Variants in CDH12 observed in about 807,000 individuals in gnomAD.
The protein encoded by CDH12 is cadherin-12.
A neutral mutation model predicts 74.1 loss-of-function variants in CDH12; 41 were observed. The ratio of observed to expected loss-of-function variants is 0.55; its 90% CI spans 0.43 to 0.72. The LOEUF is 0.72. Among genes scored for constraint, CDH12 ranks in the 30% least tolerant of loss-of-function variants. CDH12 has a pLI of 0.00. For missense variants in CDH12, 945 were observed against 977.2 expected, an observed-to-expected ratio of 0.97 and a Z score of 0.44; for synonymous variants, 399 against 355.0, an observed-to-expected ratio of 1.12 and a Z score of -1.39.
At chr5:22,816,890 T>C (rs997806550) in intron 1 of CDH12, among the ~76,000 whole-genome samples, 7 of 152,192 alleles carry the variant, frequency 4.6e-5, no homozygotes, top group Non-Finnish European at 7.3e-5. Flanking sequence ...GCCACATACA[T>C]AGGAAAGAAG....
chr5:22,793,185 C>T (rs1285311074), intron 1 of CDH12, among the ~76,000 whole-genome samples: 2 of 152,200 alleles, frequency 1.3e-5, no homozygotes, highest in Admixed American at 1.3e-4. Flanking sequence ...ATCTCTCCAA[C>T]ACACGCTATT....
At chr5:21,958,600 T>A (rs1346094719) in intron 6 of CDH12, among the ~76,000 whole-genome samples, 3 of 152,126 alleles carry the variant, frequency 2.0e-5, no homozygotes. Context: ...GATCAGATAA[T>A]CATAGCTGTG....
At chr5:22,153,843 CAT>C (rs1747782631) in intron 4 of CDH12, among the ~76,000 whole-genome samples, 1 of 133,204 alleles carries the variant, frequency 7.5e-6, no homozygotes, top group African/African-American at 2.9e-5. Context: ...TATATATATA[CAT>C]ATATGTGTGT....
chr5:22,452,848 A>AAT (rs1745097970), intron 2 of CDH12, among the ~76,000 whole-genome samples: 1 of 147,268 alleles, frequency 6.8e-6, no homozygotes, highest in Non-Finnish European at 1.5e-5. Flanking sequence ...TAACCTAGAG[A>AAT]ATATATATAA....
At chr5:22,567,546 C>A (rs1400189432) in intron 1 of CDH12, among the ~76,000 whole-genome samples, 1 of 152,154 alleles carries the variant, frequency 6.6e-6, no homozygotes, top group Non-Finnish European at 1.5e-5. Flanking sequence ...TATTATTTCT[C>A]AAGTCCTAGA....
intron 4 of CDH12, among the ~76,000 whole-genome samples, chr5:22,088,478 A>T (rs1743208559): frequency 6.6e-6 from 1 of 152,114 alleles, no homozygotes; most frequent in South Asian, 2.1e-4. Context: ...AAGACTAAGG[A>T]CTACAATCCC....
intron 3 of CDH12, among the ~76,000 whole-genome samples, chr5:22,390,564 GGATGGATGGAGA>G (rs1187612923): frequency 1.4e-5 from 2 of 139,182 alleles, no homozygotes; most frequent in African/African-American, 5.4e-5. Flanking sequence ...TTGATTACAT[GGATGGATGGAGA>G]GATAGATAGA....
chr5:22,113,942 C>T (rs982993591), intron 4 of CDH12, among the ~76,000 whole-genome samples: 1 of 152,102 alleles, frequency 6.6e-6, no homozygotes, highest in Non-Finnish European at 1.5e-5. Context: ...CAGTGGAGGG[C>T]CTCTGGAGAG....
At chr5:22,366,446 A>T (rs936447510) in intron 3 of CDH12, among the ~76,000 whole-genome samples, 1 of 152,206 alleles carries the variant, frequency 6.6e-6, no homozygotes, top group African/African-American at 2.4e-5. Flanking sequence ...GAACTCTCTT[A>T]TATAACATCT....
chr5:22,830,680 C>A (rs1037659773), intron 1 of CDH12, among the ~76,000 whole-genome samples: 3 of 151,746 alleles, frequency 2.0e-5, no homozygotes, highest in Non-Finnish European at 2.9e-5. Flanking sequence ...GATAATGTAT[C>A]ATTTTTCAAA....
intron 4 of CDH12, among the ~76,000 whole-genome samples, chr5:22,149,866 G>C (rs1035390016): frequency 1.3e-5 from 2 of 152,102 alleles, no homozygotes; most frequent in African/African-American, 4.8e-5. Flanking sequence ...ATGGTGGCAG[G>C]TGCCTGTAAT....
chr5:22,392,779 T>C (rs1742297907), intron 3 of CDH12, among the ~76,000 whole-genome samples: 1 of 152,292 alleles, frequency 6.6e-6, no homozygotes, highest in African/African-American at 2.4e-5. Context: ...GAAGATGTGA[T>C]GCCGACATGA....
At chr5:22,145,751 G>A (rs1441299369) in intron 4 of CDH12, among the ~76,000 whole-genome samples, 2 of 152,058 alleles carry the variant, frequency 1.3e-5, no homozygotes, top group South Asian at 4.1e-4. Context: ...ATAGTTTCGA[G>A]ACAGACATAC....
At chr5:22,417,521 G>A (rs982176689) in intron 2 of CDH12, among the ~76,000 whole-genome samples, 1 of 152,210 alleles carries the variant, frequency 6.6e-6, no homozygotes, top group East Asian at 1.9e-4. Flanking sequence ...CGCCAGATAT[G>A]AGTTCCTTCA....
chr5:22,318,002 T>G (rs1013271620), intron 3 of CDH12, among the ~76,000 whole-genome samples: 2 of 152,186 alleles, frequency 1.3e-5, no homozygotes, highest in Admixed American at 6.5e-5. Context: ...TCCTCACAAG[T>G]TTTTCTTTCT....
intron 8 of CDH12, among the ~76,000 whole-genome samples, chr5:21,829,962 GCCGAGGCAGGTGGATCAC>G (rs1748910792): frequency 6.6e-6 from 1 of 151,924 alleles, no homozygotes; most frequent in Admixed American, 6.6e-5. Context: ...ACTTTGGGAG[GCCGAGGCAGGTGGATCAC>G]CCGAGGTCAG....
chr5:21,967,506 G>A (rs1235682462), intron 6 of CDH12, among the ~76,000 whole-genome samples: 1 of 152,086 alleles, frequency 6.6e-6, no homozygotes, highest in African/African-American at 2.4e-5. Context: ...CTCTGTGGCC[G>A]AGAAGCAACT....
intron 4 of CDH12, among the ~76,000 whole-genome samples, chr5:22,082,633 T>C (rs1229102337): frequency 6.6e-6 from 1 of 152,316 alleles, no homozygotes; most frequent in Non-Finnish European, 1.5e-5. Flanking sequence ...ACTGAAACCA[T>C]GGAAAATGAC....
At chr5:22,037,379 G>C (rs531673250) in intron 5 of CDH12, among the ~76,000 whole-genome samples, 1 of 152,292 alleles carries the variant, frequency 6.6e-6, no homozygotes, top group South Asian at 2.1e-4. Flanking sequence ...GATATAGCCT[G>C]GGAAAGACTG....
Sources: gnomAD v4.1 joint callset for allele counts (sites outside exome capture counted in the v4.1 genomes callset) on GRCh38, gnomAD v4.1.1 for gene constraint, MANE v1.5 for transcripts, NCBI Gene and HGNC (gene_info 2026-07-23, HGNC 2026-07-21) for gene names.